RPH3A: variants seen among roughly 807,000 people sequenced by gnomAD.
RPH3A encodes rabphilin 3A, also known as rabphilin-3A.
A neutral mutation model predicts 102.2 loss-of-function variants in RPH3A; 48 were observed. That is an observed-to-expected ratio of 0.47 (90% confidence interval 0.37 to 0.60). The LOEUF (loss-of-function observed/expected upper bound fraction) is 0.60, where lower values mean the gene tolerates loss of function less well. RPH3A is among the 20% of genes least tolerant of loss of function. RPH3A has a pLI of 0.00. For synonymous variants in RPH3A, 310 were observed against 324.3 expected (o/e 0.96, Z 0.47); for missense variants, 781 against 910.1 (o/e 0.86, Z 1.83).
At chr12:112,635,156 A>G (rs899655141) in intron 1 of RPH3A, among the ~76,000 whole-genome samples, 3 of 152,344 alleles carry the variant, frequency 2.0e-5, no homozygotes, top group Admixed American at 6.5e-5. Flanking sequence ...CGTTTCAACT[A>G]TGCCACTATA....
At position 112,695,569 on chromosome 12, in the gene RPH3A, C is replaced by G. The variant is rs146102743; in HGVS notation, c.-139-96574C>G. On this transcript the variant is annotated intron_variant, in intron 1 of 21. Coordinates refer to the RPH3A transcript ENST00000543106. Reference sequence around the variant, plus strand: ...TCTGATTCCTACCTCTGGGTACCAGCCTGACTTTGTTGCTTGGCTGTGTCT... The same window carrying G: ...TCTGATTCCTACCTCTGGGTACCAGGCTGACTTTGTTGCTTGGCTGTGTCT... Among the ~76,000 whole-genome samples the G allele has an allele frequency of 2.1e-3, 324 of 152,318 alleles. 2 individuals are homozygous for G. Among genetic ancestry groups the G allele is most frequent in the African/African-American group, 7.3e-3 (303 of 41,558 alleles).
intron 1 of RPH3A, among the ~76,000 whole-genome samples, chr12:112,738,028 G>C (rs2040681837): frequency 6.6e-6 from 1 of 152,172 alleles, no homozygotes; most frequent in African/African-American, 2.4e-5. Context: ...CTGAGACTTT[G>C]GAGAAGTCCT....
chr12:112,784,586 T>C (rs1309089580), intron 1 of RPH3A, among the ~76,000 whole-genome samples: 1 of 152,212 alleles, frequency 6.6e-6, no homozygotes, highest in Non-Finnish European at 1.5e-5. Context: ...CTAAGAATAA[T>C]TTATTTATTC....
chr12:112,793,337 T>C (rs2041161763), intron 2 of RPH3A, among the ~76,000 whole-genome samples: 1 of 152,252 alleles, frequency 6.6e-6, no homozygotes, highest in Non-Finnish European at 1.5e-5. Context: ...TGCTATTATC[T>C]CAGGGGCCAC....
chr12:112,847,841 G>A lies in RPH3A; in HGVS notation c.229G>A (p.Gly77Arg), dbSNP rs375430419. The change falls in exon 5 of 22, where the codon GGA becomes AGA. Residue 77 changes from glycine to arginine, a missense_variant and splice_region_variant. This residue lies in a region of RPH3A where 730 missense variants were observed against 810.0 expected (regional missense o/e 0.90). Coordinates refer to ENST00000389385, the MANE Select transcript of RPH3A (RefSeq NM_001143854.2). ...KMEEMEQERI[G>R]RLVDRLENMR... ...GGAAGAGATGGAGCAGGAGCGAATCGGGTGAGGCTTAACGCTTCCCATTCA... is the reference window on the plus strand; with the variant it reads ...GGAAGAGATGGAGCAGGAGCGAATCAGGTGAGGCTTAACGCTTCCCATTCA... 156 of 1,613,802 alleles carry A rather than the reference G, an allele frequency of 9.7e-5. No individual in the cohort carries two copies. Among genetic ancestry groups the A allele is most frequent in the Middle Eastern group, 1.6e-4 (1 of 6,068 alleles).
At chr12:112,675,058 C>G (rs538533628) in intron 1 of RPH3A, among the ~76,000 whole-genome samples, 1 of 152,320 alleles carries the variant, frequency 6.6e-6, no homozygotes, top group Admixed American at 6.5e-5. Context: ...TTTGCAGAAG[C>G]ATTTTAACCA....
rs113279063 is a variant in RPH3A, at chr12:112,691,677, G to T, written c.-139-100466G>T. On this transcript the variant is annotated intron_variant, in intron 1 of 21. Transcript: ENST00000543106. ...GCCTTAGCGTCTTCACCTGCAAAAT[G>T]AGAATAACTCTACTTGCCTTAAACA... is the stretch of plus-strand genomic sequence containing the variant. Among the ~76,000 whole-genome samples, 357 of 152,274 alleles carry T rather than the reference G, an allele frequency of 2.3e-3. 2 individuals carry two copies. Among genetic ancestry groups the T allele is most frequent in the African/African-American group, 8.2e-3 (339 of 41,552 alleles).
chr12:112,608,259 G>A (rs941313763), intron 1 of RPH3A, among the ~76,000 whole-genome samples: 1 of 151,826 alleles, frequency 6.6e-6, no homozygotes, highest in African/African-American at 2.4e-5. Flanking sequence ...GGGATTACAG[G>A]CACCCGTCAC....
intron 1 of RPH3A, among the ~76,000 whole-genome samples, chr12:112,712,657 GTGTGTGTGTGTGTGTA>G (rs1012408082): frequency 5.3e-5 from 8 of 150,086 alleles, no homozygotes; most frequent in South Asian, 2.1e-4. Context: ...TCCCCTACTT[GTGTGTGTGTGTGTGTA>G]TGTGTGTGTG....
At chr12:112,691,110 C>T (rs1226306004) in intron 1 of RPH3A, among the ~76,000 whole-genome samples, 5 of 152,080 alleles carry the variant, frequency 3.3e-5, no homozygotes, top group Admixed American at 2.6e-4. Context: ...CAGCAAGCTC[C>T]GCCTCCCGGG....
At chr12:112,701,552 C>G (rs542391893) in intron 1 of RPH3A, among the ~76,000 whole-genome samples, 2 of 152,250 alleles carry the variant, frequency 1.3e-5, no homozygotes, top group South Asian at 4.2e-4. Context: ...TTAGTGAGTT[C>G]TGTGTCCCTG....
chr12:112,730,935 CA>C (rs1430846596), intron 1 of RPH3A, among the ~76,000 whole-genome samples: 1 of 152,144 alleles, frequency 6.6e-6, no homozygotes, highest in African/African-American at 2.4e-5. Flanking sequence ...TGTAATTTAC[CA>C]GCTCTTGTAG....
At chr12:112,781,688 C>T (rs1357308388) in intron 1 of RPH3A, among the ~76,000 whole-genome samples, 1 of 152,206 alleles carries the variant, frequency 6.6e-6, no homozygotes, top group South Asian at 2.1e-4. Context: ...TCCATTCATT[C>T]ATTCATTCAC....
At chr12:112,790,824 G>A (rs2041091228), upstream of RPH3A, among the ~76,000 whole-genome samples, 1 of 152,196 alleles carries the variant, frequency 6.6e-6, no homozygotes, top group South Asian at 2.1e-4. Flanking sequence ...CTGCTGAAGG[G>A]TGAGGTTGGC....
intron 1 of RPH3A, among the ~76,000 whole-genome samples, chr12:112,660,668 A>G (rs2040042867): frequency 6.6e-6 from 1 of 152,164 alleles, no homozygotes; most frequent in Non-Finnish European, 1.5e-5. Context: ...CTGGGTGACA[A>G]AGTGAGACCC....
intron 1 of RPH3A, among the ~76,000 whole-genome samples, chr12:112,718,702 AG>A (rs2040530632): frequency 6.6e-6 from 1 of 152,228 alleles, no homozygotes; most frequent in Non-Finnish European, 1.5e-5. Context: ...AATTCAATGC[AG>A]GGGTGGCAAA....
chr12:112,763,109 A>G (rs1037481155), intron 1 of RPH3A, among the ~76,000 whole-genome samples: 1 of 152,148 alleles, frequency 6.6e-6, no homozygotes, highest in African/African-American at 2.4e-5. Context: ...TAAACCATAT[A>G]CTGTCGTGCT....
chr12:112,584,518 G>A (rs2039424040), intron 1 of RPH3A, among the ~76,000 whole-genome samples: 1 of 152,148 alleles, frequency 6.6e-6, no homozygotes, highest in Non-Finnish European at 1.5e-5. Context: ...ACTGTGTCAG[G>A]CTGGGGGTGT....
chr12:112,601,926 G>A (rs763651844), intron 1 of RPH3A, among the ~76,000 whole-genome samples: 24 of 152,148 alleles, frequency 1.6e-4, no homozygotes, highest in Non-Finnish European at 3.2e-4. Flanking sequence ...GGGTGACAGA[G>A]CGAGACTTTG....
Sources: gnomAD v4.1 joint callset for allele counts (sites outside exome capture counted in the v4.1 genomes callset) on GRCh38, gnomAD v4.1.1 for gene constraint, gnomAD v4.1.1 regional missense constraint, MANE v1.5 for transcripts, NCBI Gene and HGNC (gene_info 2026-07-23, HGNC 2026-07-21) for gene names.